The following CHAC1 variants were observed in gnomAD, a reference collection of about 807,000 sequenced individuals.
CHAC1 encodes the protein glutathione-specific gamma-glutamylcyclotransferase 1.
In CHAC1, 22 loss-of-function variants were observed where a neutral mutation model predicts 22.1. That is an observed-to-expected ratio of 1.00 (90% CI 0.71 to 1.42). The LOEUF (loss-of-function observed/expected upper bound fraction) is 1.42. Ranked by LOEUF, CHAC1 falls within the 40% of genes most tolerant of loss-of-function variation. The pLI is 0.00. For synonymous variants in CHAC1, 145 were observed against 128.7 expected, an observed-to-expected ratio of 1.13 and a Z score of -0.86; for missense variants, 272 against 299.2, an observed-to-expected ratio of 0.91 and a Z score of 0.67.
chr15:40,954,268 G>A lies in CHAC1; in HGVS notation c.267+5G>A, dbSNP rs1476459686. 4 of 1,613,954 alleles carry A rather than the reference G, an allele frequency of 2.5e-6. No homozygotes were observed. The highest frequency in any genetic ancestry group is 3.4e-6 in the Non-Finnish European group (4 of 1,180,026). On this transcript the variant is annotated splice_donor_5th_base_variant and intron_variant, in intron 2 of 2. Coordinates refer to ENST00000617768, the MANE Select transcript of CHAC1 (RefSeq NM_024111.6). ...ACGCTCCTTGAAGATCATGAGGTAA[G>A]TGCCCGAATCATGAAGGGGAACCCT...
chr15:40,955,261 C>A, intron 2 of CHAC1, 112 bp from the exon 3 acceptor site: 2 of 1,209,414 alleles, frequency 1.7e-6, no homozygotes, highest in Non-Finnish European at 2.4e-6. Flanking sequence ...CATCAGCCGA[C>A]CACAGCCTCC....
chr15:40,953,553 G>A lies in CHAC1; in HGVS notation c.-31G>A, dbSNP rs183857341. 1.4e-4 allele frequency: 225 copies of A among 1,608,208 alleles called. 2 individuals are homozygous for A. In the East Asian group the frequency reaches 3.7e-3, roughly 26 times the overall value. On this transcript the variant is annotated 5_prime_UTR_variant, in exon 1 of 3. Transcript: ENST00000617768. Reference sequence around the variant, plus strand: ...CCCACGCCGGAGACCAGCCCCGGAGGCCGCCTGGGCCTATCCCTGTGCCAG... The same window carrying A: ...CCCACGCCGGAGACCAGCCCCGGAGACCGCCTGGGCCTATCCCTGTGCCAG...
Position 40,953,605 on chromosome 15 carries a change from C to T in CHAC1, c.22C>T (p.Pro8Ser). The T allele has an allele frequency of 1.2e-6, 2 of 1,610,132 alleles. No homozygotes were observed. Among genetic ancestry groups the T allele is most frequent in the Non-Finnish European group, 8.5e-7 (1 of 1,179,868 alleles). ...CACCATGAAGCAGGAGTCTGCAGCC[C>T]CGAACACCCCGCCCACCTCGCAGTC... The part of the protein sequence containing the change: MKQESAA[P>S]NTPPTSQSPT... The change falls in exon 1 of 3, where the codon CCG becomes TCG. Residue 8 changes from proline to serine, a missense_variant. Coordinates refer to ENST00000617768, the MANE Select transcript of CHAC1 (RefSeq NM_024111.6).
intron 1 of CHAC1, 27 bp downstream of exon 1, chr15:40,953,841 G>A (rs1596207295): frequency 6.5e-7 from 1 of 1,543,194 alleles, no homozygotes; most frequent in Non-Finnish European, 8.7e-7. Flanking sequence ...GCCCAGGGGA[G>A]TGAGGGGGTT....
chr15:40,955,406 G>A lies in CHAC1; in HGVS notation c.301G>A (p.Gly101Arg), dbSNP rs1893217656. The A allele has an allele frequency of 6.2e-7, 1 of 1,613,944 alleles. No homozygotes were observed. Among genetic ancestry groups the A allele is most frequent in the Admixed American group, 1.7e-5 (1 of 60,010 alleles). The change falls in exon 3 of 3, where the codon GGG becomes AGG. Residue 101 changes from glycine (G) to arginine (R), a missense_variant. Physicochemically the swap from Gly to Arg is moderately radical, Grantham distance 125. Coordinates refer to ENST00000617768, the MANE Select transcript of CHAC1 (RefSeq NM_024111.6). ...TTGGGGCGTGGCATACCAAGTGCAA[G>A]GGGAGCAGGTAAGCAAGGCCCTGAA... ...CTWGVAYQVQ[G>R]EQVSKALKYL...
Position 40,953,824 on chromosome 15 carries a change from C to CCG in CHAC1, c.231+10_231+11insCG. 6.3e-7 allele frequency: 1 copy of CCG among 1,575,040 alleles called. No individual in the cohort carries two copies. Among genetic ancestry groups the CCG allele is most frequent in the East Asian group, 2.2e-5 (1 of 44,566 alleles). On this transcript the variant is annotated intron_variant, in intron 1 of 2. Coordinates refer to ENST00000617768, the MANE Select transcript of CHAC1 (RefSeq NM_024111.6). Reference sequence around the variant, plus strand: ...GGGCAGCGACAAGATGGTGAGCATCCAACCGTGCCCAGGGGAGTGAGGGGG... The same window carrying CCG: ...GGGCAGCGACAAGATGGTGAGCATCCCGAACCGTGCCCAGGGGAGTGAGGGGG...
Position 40,953,828 on chromosome 15 carries a change from C to A in CHAC1, c.231+14C>A. Reference sequence around the variant, plus strand: ...AGCGACAAGATGGTGAGCATCCAACCGTGCCCAGGGGAGTGAGGGGGTTGG... The same window carrying A: ...AGCGACAAGATGGTGAGCATCCAACAGTGCCCAGGGGAGTGAGGGGGTTGG... On this transcript the variant is annotated intron_variant, in intron 1 of 2. Transcript: ENST00000617768. 2 of 1,573,028 alleles carry A rather than the reference C, an allele frequency of 1.3e-6. No individual in the cohort carries two copies. The highest frequency in any genetic ancestry group is 1.1e-5 in the South Asian group (1 of 88,092).
Position 40,955,612 on chromosome 15 carries a change from G to C in CHAC1, c.507G>C (p.Arg169=), listed in dbSNP as rs2140381058. The C allele has an allele frequency of 6.2e-7, 1 of 1,613,910 alleles. No individual in the cohort carries two copies. Among genetic ancestry groups the C allele is most frequent in the Middle Eastern group, 1.6e-4 (1 of 6,062 alleles). The change falls in exon 3 of 3, where the codon CGG becomes CGC. Residue 169 remains arginine (R), a synonymous_variant. Coordinates refer to ENST00000617768, the MANE Select transcript of CHAC1 (RefSeq NM_024111.6). ...TTGCCACGCAGATCCTGGCCTGCCG[G>C]GGCTTCTCCGGCCACAACCTTGAAT... ...EAIATQILAC[R]GFSGHNLEYL... is the part of the protein sequence containing the mutation.
Position 40,955,719 on chromosome 15 carries a change from T to G in CHAC1, c.614T>G (p.Val205Gly). 6.2e-7 allele frequency: 1 copy of G among 1,605,070 alleles called. No individual in the cohort carries two copies. Among genetic ancestry groups the G allele is most frequent in the South Asian group, 1.1e-5 (1 of 91,068 alleles). ...DEHLAAIVDA[V>G]GTMLPCFCPT... is the part of the protein sequence containing the mutation. ...CACCTGGCAGCCATCGTGGACGCTG[T>G]GGGCACCATGTTGCCCTGCTTCTGC... Residue 205 changes from valine to glycine, a missense_variant, in exon 3 of 3, where the codon GTG (valine) becomes GGG (glycine). By Grantham distance (109) the Val-to-Gly change is moderately radical. Coordinates refer to ENST00000617768, the MANE Select transcript of CHAC1 (RefSeq NM_024111.6).
At chr15:40,954,497 C>T (rs1893184375) in intron 2 of CHAC1, among the ~76,000 whole-genome samples, 1 of 152,120 alleles carries the variant, frequency 6.6e-6, no homozygotes, top group African/African-American at 2.4e-5. Flanking sequence ...AACTAGCTTA[C>T]AGGTGATGCC....
At chr15:40,954,969 C>T (rs936046711) in intron 2 of CHAC1, among the ~76,000 whole-genome samples, 2 of 150,150 alleles carry the variant, frequency 1.3e-5, no homozygotes, top group African/African-American at 4.9e-5. Context: ...GCTGAAGTCA[C>T]TGCAACCTCC....
rs1195685578 is a variant in CHAC1, at chr15:40,954,081, T to C, written c.232-147T>C. 8 of 818,358 alleles carry C rather than the reference T, an allele frequency of 9.8e-6. No homozygotes were observed. The East Asian group carries it at 1.8e-4, about 19-fold the overall frequency. The allele number at this position is 818,358 out of a possible 1,614,324, so 50.7% of individuals were successfully genotyped here. ...CGTTTCTCCTACATCCGTGCATCGC[T>C]CCCCCACCTTCCCCTGCATGAATGG... On this transcript the variant is annotated intron_variant, in intron 1 of 2. Transcript: ENST00000617768.
Position 40,953,736 on chromosome 15 carries a change from C to T in CHAC1, c.153C>T (p.Asp51=), listed in dbSNP as rs1272561745. 5 of 1,603,366 alleles carry T rather than the reference C, an allele frequency of 3.1e-6. No homozygotes were observed. In the African/African-American group the frequency reaches 5.3e-5, roughly 17 times the overall value. Residue 51 remains aspartate (D), a synonymous_variant, in exon 1 of 3, where the codon GAC becomes GAT. Transcript: ENST00000617768. ...LVWRPDFAYS[D]SRVGFVRGYS... is the part of the protein sequence containing the mutation. ...GGAGGCCCGACTTCGCCTACAGCGACAGCCGTGTGGGCTTCGTGCGCGGCT... is the reference window on the plus strand; with the variant it reads ...GGAGGCCCGACTTCGCCTACAGCGATAGCCGTGTGGGCTTCGTGCGCGGCT...
rs370838705 is a variant in CHAC1, at chr15:40,955,538, G to C, written c.433G>C (p.Ala145Pro). ...ACCACTGAAGGCATTGGCCTATGTG[G>C]CCACCCCACAGAACCCTGGTTACCT... The part of the protein sequence containing the change: ...DQPLKALAYV[A>P]TPQNPGYLGP... The change falls in exon 3 of 3, where the codon GCC becomes CCC. Residue 145 changes from alanine (A) to proline (P), a missense_variant. Transcript: ENST00000617768. 1.9e-6 allele frequency: 3 copies of C among 1,614,054 alleles called. No homozygotes were observed. In the African/African-American group the frequency reaches 4.0e-5, roughly 22 times the overall value.
chr15:40,955,402 G>C lies in CHAC1; in HGVS notation c.297G>C (p.Val99=), dbSNP rs780499289. The C allele has an allele frequency of 1.9e-6, 3 of 1,614,044 alleles. No individual in the cohort carries two copies. In the South Asian group the frequency reaches 3.3e-5, roughly 18 times the overall value. The part of the protein sequence containing the change: ...EGCTWGVAYQ[V]QGEQVSKALK... ...GCACTTGGGGCGTGGCATACCAAGT[G>C]CAAGGGGAGCAGGTAAGCAAGGCCC... Residue 99 remains valine, a synonymous_variant, in exon 3 of 3, where the codon GTG becomes GTC. Coordinates refer to ENST00000617768, the MANE Select transcript of CHAC1 (RefSeq NM_024111.6).
chr15:40,955,281 C>A, intron 2 of CHAC1, 92 bp from the exon 3 acceptor site: 1 of 1,406,084 alleles, frequency 7.1e-7, no homozygotes. Context: ...CCTTATAGAG[C>A]ACAGTCCTGG....
At position 40,953,901 on chromosome 15, in the gene CHAC1, G is replaced by A. The variant is rs542193783; in HGVS notation, c.231+87G>A. On this transcript the variant is annotated intron_variant, in intron 1 of 2. Transcript: ENST00000617768. ...GCCCTGGAATGTCCGGGGCTCTCTG[G>A]GCCAATAGAAAGAAATGTGTAAACC... 1.1e-5 allele frequency: 11 copies of A among 1,038,782 alleles called. No individual in the cohort carries two copies. The East Asian group carries it at 2.2e-4, about 21-fold the overall frequency. The allele number at this position is 1,038,782 out of a possible 1,614,324, so 64.3% of individuals were successfully genotyped here. A position where few individuals can be genotyped will look rare whatever the true frequency, so the allele number is the denominator to read the frequency against.
chr15:40,955,394 T>A lies in CHAC1; in HGVS notation c.289T>A (p.Tyr97Asn). 1 of 1,613,944 alleles carries A rather than the reference T, an allele frequency of 6.2e-7. No individual in the cohort carries two copies. Among genetic ancestry groups the A allele is most frequent in the South Asian group, 1.1e-5 (1 of 91,084 alleles). ...CCAGGGCTGCACTTGGGGCGTGGCATACCAAGTGCAAGGGGAGCAGGTAAG... is the reference window on the plus strand; with the variant it reads ...CCAGGGCTGCACTTGGGGCGTGGCAAACCAAGTGCAAGGGGAGCAGGTAAG... ...DHEGCTWGVA[Y>N]QVQGEQVSKA... The change falls in exon 3 of 3, where the codon TAC becomes AAC. Residue 97 changes from tyrosine to asparagine, a missense_variant. Coordinates refer to ENST00000617768, the MANE Select transcript of CHAC1 (RefSeq NM_024111.6).
In CHAC1 at chr15:40,955,649, C is replaced by T. The variant is rs1893227062; in HGVS notation, c.544C>T (p.Leu182=). Residue 182 remains leucine (L), a synonymous_variant, in exon 3 of 3, where the codon CTG becomes TTG. Transcript: ENST00000617768. ...SGHNLEYLLR[L]ADFMQLCGPQ... ...CCACAACCTTGAATACTTGCTGCGT[C>T]TGGCAGACTTCATGCAGCTCTGTGG... 1 of 1,613,036 alleles carries T rather than the reference C, an allele frequency of 6.2e-7. No individual in the cohort carries two copies. Among genetic ancestry groups the T allele is most frequent in the African/African-American group, 1.3e-5 (1 of 74,954 alleles).
Sources: allele counts gnomAD v4.1 joint callset (sites outside exome capture counted in the v4.1 genomes callset), GRCh38; gene constraint gnomAD v4.1.1; transcripts MANE v1.5; gene names NCBI Gene and HGNC (gene_info 2026-07-23, HGNC 2026-07-21).